The following NRXN1 variants were observed in gnomAD, a reference collection of about 807,000 sequenced individuals.
NRXN1 encodes neurexin-1.
A neutral mutation model predicts 150.9 loss-of-function variants in NRXN1; 39 were observed. That is an observed-to-expected ratio of 0.26 (90% CI 0.20 to 0.34). NRXN1 has a LOEUF of 0.34. NRXN1 is among the 10% of genes least tolerant of loss of function. The probability of loss-of-function intolerance (pLI) is 1.00; values close to 1 mark genes in which losing one functional copy is unlikely to be tolerated. For missense variants in NRXN1, 1,815 were observed against 1,949.9 expected (o/e 0.93, Z 1.30); for synonymous variants, 924 against 757.0 (o/e 1.22, Z -3.62).
intron 17 of NRXN1, among the ~76,000 whole-genome samples, chr2:50,353,570 G>C (rs970592612): frequency 6.6e-6 from 1 of 152,032 alleles, no homozygotes; most frequent in African/African-American, 2.4e-5. Flanking sequence ...TGATTATAAC[G>C]CTAAATGTAA....
intron 17 of NRXN1, among the ~76,000 whole-genome samples, chr2:50,358,295 C>T (rs1162891613): frequency 6.6e-6 from 1 of 152,182 alleles, no homozygotes; most frequent in African/African-American, 2.4e-5. Context: ...CAGCGAATCC[C>T]ACCCCCCTGG....
chr2:50,031,633 AC>A (rs1689193238), intron 21 of NRXN1, among the ~76,000 whole-genome samples: 1 of 152,090 alleles, frequency 6.6e-6, no homozygotes, highest in Admixed American at 6.6e-5. Flanking sequence ...TTGTCTATAT[AC>A]TAACTGTGTA....
intron 5 of NRXN1, among the ~76,000 whole-genome samples, chr2:50,844,037 G>A (rs1046511737): frequency 6.6e-6 from 1 of 152,204 alleles, no homozygotes; most frequent in South Asian, 2.1e-4. Context: ...ACTGAAGGAA[G>A]CAATGTGTCG....
At chr2:50,676,186 C>T (rs564321400) in intron 5 of NRXN1, among the ~76,000 whole-genome samples, 144 of 152,194 alleles carry the variant, frequency 9.5e-4, no homozygotes, top group African/African-American at 3.4e-3. Context: ...CCCTCTCTCA[C>T]CATGTGACAT....
intron 15 of NRXN1, among the ~76,000 whole-genome samples, chr2:50,484,617 C>T (rs2090731050): frequency 6.6e-6 from 1 of 152,186 alleles, no homozygotes; most frequent in African/African-American, 2.4e-5. Context: ...GCCTATTCTA[C>T]ATACCTATAA....
intron 9 of NRXN1, among the ~76,000 whole-genome samples, chr2:50,539,619 G>A (rs1287921346): frequency 6.6e-6 from 1 of 152,156 alleles, no homozygotes; most frequent in African/African-American, 2.4e-5. Context: ...TCTTCAGAAA[G>A]ACCTTTGTAC....
intron 18 of NRXN1, among the ~76,000 whole-genome samples, chr2:50,236,016 G>A (rs1387405932): frequency 6.6e-6 from 1 of 152,018 alleles, no homozygotes; most frequent in Non-Finnish European, 1.5e-5. Context: ...AAGATTTAAA[G>A]AGTTGCAAAC....
intron 17 of NRXN1, among the ~76,000 whole-genome samples, chr2:50,408,749 A>G (rs2082929482): frequency 6.6e-6 from 1 of 151,750 alleles, no homozygotes; most frequent in African/African-American, 2.4e-5. Context: ...TGCATTCCCT[A>G]TTGCCACAGC....
At chr2:50,242,393 T>G (rs1222445775) in intron 17 of NRXN1, among the ~76,000 whole-genome samples, 1 of 151,804 alleles carries the variant, frequency 6.6e-6, no homozygotes, top group Non-Finnish European at 1.5e-5. Context: ...AACAGAATCT[T>G]AACAATCACT....
intron 5 of NRXN1, among the ~76,000 whole-genome samples, chr2:50,903,915 A>G (rs1683298566): frequency 6.6e-6 from 1 of 152,210 alleles, no homozygotes; most frequent in African/African-American, 2.4e-5. Context: ...GAGATTAATA[A>G]CCTCTAGCAG....
intron 2 of NRXN1, among the ~76,000 whole-genome samples, chr2:51,002,927 TTC>T: frequency 6.6e-6 from 1 of 152,076 alleles, no homozygotes; most frequent in East Asian, 2.0e-4. Flanking sequence ...TTTAAACATT[TTC>T]AAAGGTATTT....
At chr2:50,230,000 C>T (rs574444687) in intron 18 of NRXN1, among the ~76,000 whole-genome samples, 1 of 152,140 alleles carries the variant, frequency 6.6e-6, no homozygotes, top group South Asian at 2.1e-4. Context: ...GGGCCCACCA[C>T]AAAGCAGTGG....
At chr2:50,069,727 C>T (rs1044568806) in intron 19 of NRXN1, among the ~76,000 whole-genome samples, 5 of 152,084 alleles carry the variant, frequency 3.3e-5, no homozygotes, top group Non-Finnish European at 7.4e-5. Context: ...ACACCCACCT[C>T]TTATCACTGA....
intron 5 of NRXN1, among the ~76,000 whole-genome samples, chr2:50,810,059 GATAT>G (rs1668010198): frequency 6.6e-6 from 1 of 152,118 alleles, no homozygotes; most frequent in African/African-American, 2.4e-5. Flanking sequence ...TTGAGAAAGG[GATAT>G]ATACCTCAGA....
chr2:50,709,995 G>C (rs1694948520), intron 5 of NRXN1, among the ~76,000 whole-genome samples: 1 of 152,170 alleles, frequency 6.6e-6, no homozygotes, highest in Non-Finnish European at 1.5e-5. Flanking sequence ...CAATGAGTGA[G>C]AAAAGAGATC....
At chr2:50,994,791 A>G (rs568885805) in intron 2 of NRXN1, among the ~76,000 whole-genome samples, 1 of 152,182 alleles carries the variant, frequency 6.6e-6, no homozygotes, top group South Asian at 2.1e-4. Flanking sequence ...TATATACAAG[A>G]ACAACAACTG....
At chr2:50,646,676 T>C (rs1684857014) in intron 5 of NRXN1, among the ~76,000 whole-genome samples, 1 of 151,164 alleles carries the variant, frequency 6.6e-6, no homozygotes, top group South Asian at 2.1e-4. Flanking sequence ...TCAAACGGTG[T>C]AATTTTTCCT....
intron 2 of NRXN1, among the ~76,000 whole-genome samples, chr2:50,933,616 C>A (rs1234788653): frequency 1.3e-5 from 2 of 152,020 alleles, no homozygotes; most frequent in East Asian, 3.9e-4. Flanking sequence ...GAGTTAATGT[C>A]TAGTGACTAA....
At chr2:50,614,818 A>C (rs1442157752) in intron 8 of NRXN1, among the ~76,000 whole-genome samples, 3 of 151,154 alleles carry the variant, frequency 2.0e-5, no homozygotes, top group South Asian at 4.2e-4. Flanking sequence ...AGAAGCCTTC[A>C]AAACTTTCTA....
Sources: allele counts gnomAD v4.1 joint callset (sites outside exome capture counted in the v4.1 genomes callset), GRCh38; gene constraint gnomAD v4.1.1; transcripts MANE v1.5; gene names NCBI Gene and HGNC (gene_info 2026-07-23, HGNC 2026-07-21).